The following CROCC2 variants were observed in gnomAD, a reference collection of about 807,000 sequenced individuals.
CROCC2 encodes the protein ciliary rootlet coiled-coil protein 2.
In CROCC2, 163 loss-of-function variants were observed where a neutral mutation model predicts 177.6. The observed-to-expected ratio is 0.92, with a 90% CI of 0.81 to 1.05. The LOEUF is 1.05. Among genes scored for constraint, CROCC2 ranks in the 50% least tolerant of loss-of-function variants. The probability of loss-of-function intolerance (pLI) is 0.00; values close to 1 mark genes in which losing one functional copy is unlikely to be tolerated. For missense variants in CROCC2, 1,929 were observed against 1,797.8 expected (o/e 1.07, Z -1.32); for synonymous variants, 904 against 787.3 (o/e 1.15, Z -2.48).
chr2:240,965,980 T>C lies in CROCC2; in HGVS notation c.3948T>C (p.Gly1316=), dbSNP rs935240974. 1.1e-5 allele frequency: 15 copies of C among 1,370,546 alleles called. No homozygotes were observed. Among genetic ancestry groups the C allele is most frequent in the Non-Finnish European group, 1.4e-5 (15 of 1,069,104 alleles). The allele number at this position is 1,370,546 out of a possible 1,614,324, so 84.9% of individuals were successfully genotyped here. A position where few individuals can be genotyped will look rare whatever the true frequency, so the allele number is the denominator to read the frequency against. ...CGTGGGCCTCCCCGGAGCAGCCTGG[T>C]TCCCCCACCAAAGGTCAGAGTCCTC... is the stretch of plus-strand genomic sequence containing the variant. ...QSPWASPEQP[G]SPTKGSDSSQ... is the part of the protein sequence containing the mutation. The change falls in exon 24 of 32, where the codon GGT becomes GGC. Residue 1316 remains glycine, a synonymous_variant. Transcript: ENST00000690015.
intron 28 of CROCC2, among the ~76,000 whole-genome samples, chr2:240,986,637 G>A (rs1043366407): frequency 5.3e-5 from 8 of 152,228 alleles, no homozygotes; most frequent in African/African-American, 1.7e-4. Flanking sequence ...GATGGCGCAG[G>A]GGGAGGGGTG....
intron 31 of CROCC2, among the ~76,000 whole-genome samples, chr2:240,992,157 A>G (rs1238165959): frequency 6.6e-6 from 1 of 151,978 alleles, no homozygotes; most frequent in Non-Finnish European, 1.5e-5. Flanking sequence ...GTCCATCTGC[A>G]CCCCTCGTCT....
At chr2:240,933,425 T>C in intron 10 of CROCC2, 83 bp downstream of exon 10, 10 of 1,359,480 alleles carry the variant, frequency 7.4e-6, no homozygotes, top group Non-Finnish European at 9.7e-6. Flanking sequence ...GACAAGCACC[T>C]CTAGAGCTGG....
rs1574803710 is a variant in CROCC2 at position 240,991,241 on chromosome 2, C to G, written c.4909C>G (p.Gln1637Glu). The stretch of plus-strand genomic sequence containing the variant: ...ACTGGACCAGGAAGTGCAGTGGCGG[C>G]AACAGGCCCACCTCGGCCAGGCCTT... ...EQLDQEVQWR[Q>E]QAHLGQAFQT... Residue 1637 changes from glutamine (Q) to glutamate (E), a missense_variant, in exon 31 of 32, where the codon CAA (glutamine) becomes GAA (glutamate). Physicochemically the swap from Gln to Glu is conservative, Grantham distance 29 (BLOSUM62 2). Coordinates refer to ENST00000690015, the MANE Select transcript of CROCC2 (RefSeq NM_001351305.2). 1 of 1,548,606 alleles carries G rather than the reference C, an allele frequency of 6.5e-7. No individual in the cohort carries two copies. Among genetic ancestry groups the G allele is most frequent in the Non-Finnish European group, 8.7e-7 (1 of 1,146,026 alleles).
chr2:240,990,706 C>A (rs2059872350), intron 30 of CROCC2, among the ~76,000 whole-genome samples: 1 of 152,210 alleles, frequency 6.6e-6, no homozygotes, highest in East Asian at 1.9e-4. Flanking sequence ...CCTCAGCCTC[C>A]AGAGTAGCGG....
chr2:240,965,890 G>T lies in CROCC2; in HGVS notation c.3858G>T (p.Ala1286=). The change falls in exon 24 of 32, where the codon GCG becomes GCT. Residue 1286 remains alanine, a synonymous_variant. Coordinates refer to ENST00000690015, the MANE Select transcript of CROCC2 (RefSeq NM_001351305.2). ...LAQAEGARQD[A]EAQLGRLCST... ...AGGCTGAGGGTGCAAGGCAGGATGC[G>T]GAGGCCCAGCTGGGCCGGCTGTGCT... 2 of 1,435,310 alleles carry T rather than the reference G, an allele frequency of 1.4e-6. No individual in the cohort carries two copies. The highest frequency in any genetic ancestry group is 1.8e-6 in the Non-Finnish European group (2 of 1,092,826). 88.9% of individuals were successfully genotyped at this position (1,435,310 alleles called of 1,614,324 possible). A position where few individuals can be genotyped will look rare whatever the true frequency, so the allele number is the denominator to read the frequency against.
At chr2:240,931,266 C>G (rs1295896884) in intron 7 of CROCC2, 138 bp downstream of exon 7, 1 of 596,638 alleles carries the variant, frequency 1.7e-6, no homozygotes, top group East Asian at 2.8e-5. Flanking sequence ...ACTGGTGGTG[C>G]ACACTCTTCA....
rs752969998 is a variant in CROCC2 at position 240,963,737 on chromosome 2, G to A, written c.3269G>A (p.Arg1090Gln). The A allele has an allele frequency of 2.2e-5, 34 of 1,550,100 alleles. No individual in the cohort carries two copies. Among genetic ancestry groups the A allele is most frequent in the East Asian group, 7.3e-5 (3 of 40,912 alleles). The change falls in exon 21 of 32, where the codon CGG (arginine) becomes CAG (glutamine). Residue 1090 changes from arginine to glutamine, a missense_variant. By Grantham distance (43) the Arg-to-Gln change is conservative. Coordinates refer to ENST00000690015, the MANE Select transcript of CROCC2 (RefSeq NM_001351305.2). ...DVLLLFNSEL[R>Q]ATICRAEQEK... ...CTGTTGCTTTTCAACAGCGAGCTGC[G>A]GGCCACCATCTGCAGGGCCGAACAG...
intron 3 of CROCC2, among the ~76,000 whole-genome samples, chr2:240,921,137 T>C (rs1311045221): frequency 2.6e-5 from 4 of 152,140 alleles, no homozygotes; most frequent in Admixed American, 6.5e-5. Context: ...CAGTGGCCAG[T>C]ACTGAATGCC....
intron 21 of CROCC2, chr2:240,964,220 G>T: frequency 1.7e-6 from 1 of 582,882 alleles, no homozygotes; most frequent in Non-Finnish European, 3.1e-6. Context: ...GGGGGAGACA[G>T]GGAGGGATGA....
chr2:240,910,839 C>CT (rs1157874789), intron 1 of CROCC2, among the ~76,000 whole-genome samples: 1 of 152,062 alleles, frequency 6.6e-6, no homozygotes, highest in Non-Finnish European at 1.5e-5. Context: ...TTAAAAATTT[C>CT]TTTTTTTCTG....
Position 240,932,785 on chromosome 2 carries a change from C to A in CROCC2, c.1128C>A (p.Ser376Arg). 3 of 1,414,356 alleles carry A rather than the reference C, an allele frequency of 2.1e-6. No homozygotes were observed. Among genetic ancestry groups the A allele is most frequent in the Non-Finnish European group, 2.9e-6 (3 of 1,024,550 alleles). 87.6% of individuals were successfully genotyped at this position (1,414,356 alleles called of 1,614,324 possible). The change falls in exon 9 of 32, where the codon AGC becomes AGA. Residue 376 changes from serine to arginine, a missense_variant. By Grantham distance (110) the Ser-to-Arg change is moderately radical. This residue lies in a region of CROCC2 where 1,397 missense variants were observed against 1,239.9 expected (regional missense o/e 1.13). Coordinates refer to ENST00000690015, the MANE Select transcript of CROCC2 (RefSeq NM_001351305.2). Reference protein sequence around the residue: ...ELGEPRRPLRSPQRATSPHQG... With the variant: ...ELGEPRRPLRRPQRATSPHQG... The stretch of plus-strand genomic sequence containing the variant: ...GGGAGCCACGGCGCCCACTGAGGAG[C>A]CCCCAACGTGCCACATCCCCCCATC...
intron 14 of CROCC2, among the ~76,000 whole-genome samples, chr2:240,938,199 T>C (rs965331292): frequency 1.3e-5 from 2 of 152,224 alleles, no homozygotes; most frequent in Non-Finnish European, 2.9e-5. Flanking sequence ...GAAATCTGGA[T>C]TTTAATTAGC....
intron 18 of CROCC2, chr2:240,954,547 C>A (rs1375251948): frequency 6.6e-6 from 1 of 152,270 alleles, no homozygotes; most frequent in Non-Finnish European, 1.5e-5. Context: ...GGCTGCTGCA[C>A]CCTCCCCGTG....
At chr2:240,964,360 T>C in intron 21 of CROCC2, 106 bp from the exon 22 acceptor site, 1 of 1,359,002 alleles carries the variant, frequency 7.4e-7, no homozygotes, top group South Asian at 1.3e-5. Flanking sequence ...CTGTGCAGAG[T>C]CAAGACTGGG....
In CROCC2 at chr2:240,916,410, C is replaced by T. The variant is rs1225960284; in HGVS notation, c.79-2316C>T. Among the ~76,000 whole-genome samples the T allele has an allele frequency of 7.2e-4, 69 of 96,058 alleles. 2 individuals are homozygous for T. Among genetic ancestry groups the T allele is most frequent in the Admixed American group, 5.5e-3 (55 of 9,934 alleles). 63.0% of individuals were successfully genotyped at this position (96,058 alleles called of 152,430 possible). A position where few individuals can be genotyped will look rare whatever the true frequency, so the allele number is the denominator to read the frequency against. ...CCCCCCTGCTCGCCCCCTCCTTCCC[C>T]GGTGCCCCCCGCCCACCTGCACGAC... On this transcript the variant is annotated intron_variant, in intron 1 of 31. Coordinates refer to ENST00000690015, the MANE Select transcript of CROCC2 (RefSeq NM_001351305.2).
At chr2:240,939,493 G>GCTGGC (rs56802343) in intron 14 of CROCC2, among the ~76,000 whole-genome samples, 102,582 of 151,226 alleles carry the variant, frequency 0.68, 35,531 homozygotes, top group African/African-American at 0.81. Context: ...TCAGAGTTGT[G>GCTGGC]CTCCTAAAAT....
chr2:240,954,157 T>C (rs1473458815), intron 18 of CROCC2, among the ~76,000 whole-genome samples: 2 of 152,132 alleles, frequency 1.3e-5, no homozygotes, highest in African/African-American at 4.8e-5. Context: ...AGCCATTCAG[T>C]GAAAAATCCC....
At chr2:240,933,450 G>C in intron 10 of CROCC2, 108 bp downstream of exon 10, 1 of 1,238,608 alleles carries the variant, frequency 8.1e-7, no homozygotes, top group East Asian at 2.6e-5. Flanking sequence ...GTTGCCAGCC[G>C]GGGAGGGGTC....
Sources: allele counts gnomAD v4.1 joint callset (sites outside exome capture counted in the v4.1 genomes callset), GRCh38; gene constraint gnomAD v4.1.1; regional missense constraint gnomAD v4.1.1; transcripts MANE v1.5; gene names NCBI Gene and HGNC (gene_info 2026-07-23, HGNC 2026-07-21).